The following WDR7 variants were observed in gnomAD, a reference collection of about 807,000 sequenced individuals.
WDR7 encodes the protein WD repeat-containing protein 7.
A neutral mutation model predicts 169.4 loss-of-function variants in WDR7; 46 were observed. The observed-to-expected ratio is 0.27, with a 90% CI of 0.21 to 0.35. WDR7 has a LOEUF of 0.35. Ranked by LOEUF, WDR7 falls within the 10% of genes least tolerant of loss-of-function variation. The probability of loss-of-function intolerance (pLI) is 1.00; values close to 1 mark genes in which losing one functional copy is unlikely to be tolerated. For missense variants in WDR7, 1,534 were observed against 1,859.3 expected (o/e 0.83, Z 3.22); for synonymous variants, 612 against 666.8 (o/e 0.92, Z 1.27).
chr18:56,762,814 TG>T (rs1325593871), intron 16 of WDR7, among the ~76,000 whole-genome samples: 1 of 152,084 alleles, frequency 6.6e-6, no homozygotes, highest in African/African-American at 2.4e-5. Context: ...TGTTTTGTTT[TG>T]TTTTTTGTTT....
chr18:56,831,298 G>A (rs1230413758), intron 20 of WDR7, among the ~76,000 whole-genome samples: 1 of 152,128 alleles, frequency 6.6e-6, no homozygotes, highest in African/African-American at 2.4e-5. Context: ...AAGAGGGGAT[G>A]CTAAAGGCAG....
chr18:56,945,440 A>T (rs2047090738), intron 25 of WDR7, among the ~76,000 whole-genome samples: 1 of 152,350 alleles, frequency 6.6e-6, no homozygotes, highest in African/African-American at 2.4e-5. Flanking sequence ...GCAGGTTCTC[A>T]TAGAGAAGAC....
chr18:56,901,228 CTT>C (rs1272176195), intron 21 of WDR7, among the ~76,000 whole-genome samples: 1 of 152,108 alleles, frequency 6.6e-6, no homozygotes, highest in Non-Finnish European at 1.5e-5. Context: ...AAGACCGTGT[CTT>C]TGAAAATTTT....
At chr18:56,863,294 A>G (rs1211737608) in intron 20 of WDR7, among the ~76,000 whole-genome samples, 1 of 151,790 alleles carries the variant, frequency 6.6e-6, no homozygotes, top group African/African-American at 2.4e-5. Context: ...AAATAGTTGT[A>G]ATAATAAAGC....
chr18:56,777,503 A>AAATGGG (rs1393472872), intron 17 of WDR7, among the ~76,000 whole-genome samples: 1 of 152,168 alleles, frequency 6.6e-6, no homozygotes, highest in Admixed American at 6.5e-5. Context: ...GGAGCCCTGA[A>AAATGGG]AATGGGAATG....
chr18:57,012,468 C>T (rs562798158), intron 26 of WDR7, among the ~76,000 whole-genome samples: 12 of 152,202 alleles, frequency 7.9e-5, no homozygotes, highest in African/African-American at 2.9e-4. Flanking sequence ...GCGAGGTCCC[C>T]TGAAATTCAG....
In WDR7 at chr18:56,706,872, G is replaced by A. The variant is rs1345626709; in HGVS notation, c.1578+10410G>A. On this transcript the variant is annotated intron_variant, in intron 12 of 27. Transcript: ENST00000254442. ...CCAGCTAATTTTTGTATTTTTAGTA[G>A]AGACGGGGTTTCACCATGTTGGCCA... 2.0e-5 allele frequency among the ~76,000 whole-genome samples: 3 copies of A among 151,768 alleles called. No homozygotes were observed. The South Asian group carries it at 6.2e-4, about 32-fold the overall frequency.
chr18:56,815,979 G>T, intron 19 of WDR7, 52 bp from the exon 20 acceptor site: 2 of 1,416,450 alleles, frequency 1.4e-6, no homozygotes, highest in East Asian at 2.5e-5. Context: ...CTTTCTGTTT[G>T]CTTTACTTTT....
Position 56,669,851 on chromosome 18 carries a change from G to C in WDR7, c.-19-2646G>C, listed in dbSNP as rs2144508213. 1.3e-5 allele frequency among the ~76,000 whole-genome samples: 2 copies of C among 152,144 alleles called. 1 individual carries two copies. The highest frequency in any genetic ancestry group is 4.1e-4 in the South Asian group (2 of 4,820). On this transcript the variant is annotated intron_variant, in intron 1 of 27. Transcript: ENST00000254442. The stretch of plus-strand genomic sequence containing the variant: ...TAATATAAAGCTTTTGGAACATATT[G>C]AAGTTTTTTGCTACAATAGGTGATA...
chr18:56,864,466 A>G (rs1331299712), intron 20 of WDR7, among the ~76,000 whole-genome samples: 1 of 151,708 alleles, frequency 6.6e-6, no homozygotes, highest in Non-Finnish European at 1.5e-5. Context: ...CGAAAATGAC[A>G]TTTTCATTAA....
chr18:57,019,902 T>C lies in WDR7; in HGVS notation c.4165-843T>C, dbSNP rs932482372. 3.3e-5 allele frequency among the ~76,000 whole-genome samples: 5 copies of C among 152,218 alleles called. No homozygotes were observed. In the East Asian group the frequency reaches 9.6e-4, roughly 29 times the overall value. On this transcript the variant is annotated intron_variant, in intron 26 of 27. Coordinates refer to ENST00000254442, the MANE Select transcript of WDR7 (RefSeq NM_015285.3). Reference sequence around the variant, plus strand: ...CTTGTAAGCCAGATTGAATATTGGTTATTGTGGCAGAGGTATGGTTTTAAA... The same window carrying C: ...CTTGTAAGCCAGATTGAATATTGGTCATTGTGGCAGAGGTATGGTTTTAAA...
At chr18:56,653,519 T>G (rs539521641) in intron 1 of WDR7, among the ~76,000 whole-genome samples, 27 of 152,364 alleles carry the variant, frequency 1.8e-4, no homozygotes, top group African/African-American at 6.5e-4. Context: ...ATTCATTGTT[T>G]TTTGTTTCTA....
rs1307107883 is a variant in WDR7, at chr18:57,028,825, G to A, written c.*1618G>A. The A allele has an allele frequency of 6.6e-6, 1 of 152,636 alleles. No homozygotes were observed. Among genetic ancestry groups the A allele is most frequent in the Non-Finnish European group, 1.5e-5 (1 of 68,036 alleles). The allele number at this position is 152,636 out of a possible 1,614,324, so 9.5% of individuals were successfully genotyped here. A position where few individuals can be genotyped will look rare whatever the true frequency, so the allele number is the denominator to read the frequency against. ...ATCTATACTGTTCCTTGGTTTTAGA[G>A]TTGGGTATTCTTTCAAAAGTGAATT... On this transcript the variant is annotated 3_prime_UTR_variant, in exon 28 of 28. Transcript: ENST00000254442.
chr18:56,665,263 C>T (rs968789369), intron 1 of WDR7, among the ~76,000 whole-genome samples: 13 of 149,422 alleles, frequency 8.7e-5, no homozygotes, highest in Non-Finnish European at 1.3e-4. Context: ...ACTGCACTCC[C>T]GCCTGGGTGA....
At chr18:56,688,063 T>A (rs993480895) in intron 7 of WDR7, among the ~76,000 whole-genome samples, 1 of 152,182 alleles carries the variant, frequency 6.6e-6, no homozygotes, top group African/African-American at 2.4e-5. Flanking sequence ...ACTTGTTACT[T>A]TCCCCATTTT....
chr18:56,759,499 T>G (rs894086265), intron 16 of WDR7, among the ~76,000 whole-genome samples: 1 of 152,224 alleles, frequency 6.6e-6, no homozygotes, highest in Admixed American at 6.5e-5. Flanking sequence ...CCTCTACTAA[T>G]AATTTCTACA....
chr18:57,006,237 G>T (rs1471750127), intron 26 of WDR7, among the ~76,000 whole-genome samples: 1 of 152,034 alleles, frequency 6.6e-6, no homozygotes, highest in African/African-American at 2.4e-5. Flanking sequence ...TACTAACAAA[G>T]TGCATTCTGT....
Position 56,772,367 on chromosome 18 carries a change from G to A in WDR7, c.2849-4415G>A, listed in dbSNP as rs187609755. 3.0e-3 allele frequency among the ~76,000 whole-genome samples: 452 copies of A among 152,244 alleles called. 5 individuals are homozygous for A. Among genetic ancestry groups the A allele is most frequent in the East Asian group, 1.9e-3 (10 of 5,180 alleles). On this transcript the variant is annotated intron_variant, in intron 16 of 27. Coordinates refer to ENST00000254442, the MANE Select transcript of WDR7 (RefSeq NM_015285.3). ...CAGTGAAGGATTACAGTGAAGGAAA[G>A]TCTCAGGATGGTAACCACGTGGCAG...
At chr18:56,893,294 A>T (rs1430004028) in intron 21 of WDR7, among the ~76,000 whole-genome samples, 1 of 151,780 alleles carries the variant, frequency 6.6e-6, no homozygotes, top group East Asian at 1.9e-4. Flanking sequence ...TCATATTTGT[A>T]TGTCTTAATA....
Sources: gnomAD v4.1 joint callset for allele counts (sites outside exome capture counted in the v4.1 genomes callset) on GRCh38, gnomAD v4.1.1 for gene constraint, MANE v1.5 for transcripts, NCBI Gene and HGNC (gene_info 2026-07-23, HGNC 2026-07-21) for gene names.